The following HS3ST5 variants were observed in gnomAD, a reference collection of about 807,000 sequenced individuals.
The protein encoded by HS3ST5 is heparan sulfate-glucosamine 3-sulfotransferase 5.
Under a neutral mutation model 25.4 loss-of-function variants are expected in HS3ST5, and 10 were observed. That is an observed-to-expected ratio of 0.39 (90% confidence interval 0.24 to 0.67). The LOEUF (loss-of-function observed/expected upper bound fraction) is 0.67. Ranked by LOEUF, HS3ST5 falls within the 30% of genes least tolerant of loss-of-function variation. The pLI, the probability that HS3ST5 is intolerant of heterozygous loss-of-function variation, is 0.44. For synonymous variants in HS3ST5, 170 were observed against 162.4 expected (o/e 1.05, Z -0.36); for missense variants, 324 against 420.7 (o/e 0.77, Z 2.01).
chr6:114,216,787 T>C (rs1004165742), intron 2 of HS3ST5, among the ~76,000 whole-genome samples: 1 of 137,320 alleles, frequency 7.3e-6, no homozygotes, highest in Non-Finnish European at 1.6e-5. Flanking sequence ...ACCTAAAGAA[T>C]ACCTTCCTTG....
At chr6:114,094,760 C>T (rs143990028) in intron 3 of HS3ST5, among the ~76,000 whole-genome samples, 1 of 152,264 alleles carries the variant, frequency 6.6e-6, no homozygotes, top group East Asian at 1.9e-4. Context: ...ATAATCTCCT[C>T]CCCGTGAGTA....
intron 1 of HS3ST5, among the ~76,000 whole-genome samples, chr6:114,295,344 T>C (rs953610724): frequency 3.3e-5 from 5 of 152,170 alleles, no homozygotes; most frequent in African/African-American, 1.2e-4. Context: ...AGCAAGCACA[T>C]TGAGTCCTCA....
intron 2 of HS3ST5, among the ~76,000 whole-genome samples, chr6:114,208,883 G>T (rs1781392747): frequency 6.6e-6 from 1 of 152,150 alleles, no homozygotes; most frequent in Non-Finnish European, 1.5e-5. Context: ...TTTAGGGTTT[G>T]TCTTGGGTTA....
intron 1 of HS3ST5, among the ~76,000 whole-genome samples, chr6:114,312,751 C>T (rs755121050): frequency 9.2e-5 from 14 of 151,816 alleles, no homozygotes; most frequent in East Asian, 1.9e-4. Flanking sequence ...TATACTCAGC[C>T]GGCCGTGGTG....
chr6:114,175,269 T>A (rs1224633816), intron 2 of HS3ST5, among the ~76,000 whole-genome samples: 4 of 152,016 alleles, frequency 2.6e-5, no homozygotes, highest in African/African-American at 4.8e-5. Context: ...CATTAGTGGG[T>A]CAAGCAAATG....
At chr6:114,162,824 G>C (rs758137895) in intron 3 of HS3ST5, among the ~76,000 whole-genome samples, 25 of 152,094 alleles carry the variant, frequency 1.6e-4, no homozygotes, top group Non-Finnish European at 3.1e-4. Flanking sequence ...CCCATAGTCA[G>C]CACCTCCAGC....
At chr6:114,137,031 G>GAAAAA (rs1562211275) in intron 3 of HS3ST5, among the ~76,000 whole-genome samples, 1 of 152,154 alleles carries the variant, frequency 6.6e-6, no homozygotes, top group Non-Finnish European at 1.5e-5. Flanking sequence ...TTCTGCTGAA[G>GAAAAA]AACTATTGCC....
At chr6:114,082,907 A>C (rs190789944) in intron 3 of HS3ST5, among the ~76,000 whole-genome samples, 1 of 152,226 alleles carries the variant, frequency 6.6e-6, no homozygotes, top group Non-Finnish European at 1.5e-5. Flanking sequence ...CAGGGGAACA[A>C]CACAGCAGCA....
chr6:114,057,698 C>A lies in HS3ST5; in HGVS notation c.600G>T (p.Lys200Asn). 2 of 1,614,150 alleles carry A rather than the reference C, an allele frequency of 1.2e-6. No individual in the cohort carries two copies. The highest frequency in any genetic ancestry group is 1.7e-6 in the Non-Finnish European group (2 of 1,180,028). Residue 200 changes from lysine to asparagine, a missense_variant, in exon 5 of 5, where the codon AAG (lysine) becomes AAT (asparagine). By Grantham distance (94) the Lys-to-Asn change is moderately conservative (BLOSUM62 0). Around this residue, in one of 2 missense-constraint regions of HS3ST5, gnomAD observed 203 missense variants for 303.4 expected, o/e 0.67. Transcript: ENST00000312719. ...TGTAATAAGTTTTGTTCTTCCTCTC[C>A]TTCCCCTCTAGCACCTGAGTATAAT... Reference protein sequence around the residue: ...ISDYTQVLEGKERKNKTYYKF... With the variant: ...ISDYTQVLEGNERKNKTYYKF...
intron 1 of HS3ST5, among the ~76,000 whole-genome samples, chr6:114,250,966 T>G (rs1264249173): frequency 6.6e-6 from 1 of 152,140 alleles, no homozygotes; most frequent in African/African-American, 2.4e-5. Context: ...GGGAAGAAAG[T>G]CTATCTACAA....
chr6:114,339,001 G>C (rs779287069), intron 1 of HS3ST5, among the ~76,000 whole-genome samples: 21 of 151,972 alleles, frequency 1.4e-4, no homozygotes, highest in Non-Finnish European at 1.8e-4. Context: ...TCCTTAACTT[G>C]ACTTGTTCTC....
intron 1 of HS3ST5, among the ~76,000 whole-genome samples, chr6:114,295,709 G>A (rs1399084708): frequency 6.6e-6 from 1 of 152,144 alleles, no homozygotes; most frequent in Non-Finnish European, 1.5e-5. Flanking sequence ...CCATGTACAA[G>A]CAATTACTTC....
At chr6:114,215,905 T>G (rs1781736111) in intron 2 of HS3ST5, among the ~76,000 whole-genome samples, 1 of 152,222 alleles carries the variant, frequency 6.6e-6, no homozygotes, top group African/African-American at 2.4e-5. Flanking sequence ...CACAGAAGCT[T>G]TGTTTCATTT....
chr6:114,120,473 T>C (rs758677078), intron 3 of HS3ST5, among the ~76,000 whole-genome samples: 3 of 152,252 alleles, frequency 2.0e-5, no homozygotes, highest in Non-Finnish European at 4.4e-5. Flanking sequence ...AGATTACATA[T>C]ACTGTTTTTA....
At position 114,136,254 on chromosome 6, in the gene HS3ST5, T is replaced by C. The variant is rs539555485; in HGVS notation, c.-33+32097A>G. ...TGTCATGGGACGGACCCAGTGGGAG[T>C]AATTAAATCATGGGGGCAGGTCTTT... On this transcript the variant is annotated intron_variant, in intron 3 of 4. Coordinates refer to ENST00000312719, the MANE Select transcript of HS3ST5 (RefSeq NM_153612.4). Among the ~76,000 whole-genome samples the C allele has an allele frequency of 6.6e-5, 10 of 152,270 alleles. 1 individual carries two copies. In the South Asian group the frequency reaches 2.1e-3, roughly 32 times the overall value.
At chr6:114,214,293 T>A (rs1370685800) in intron 2 of HS3ST5, among the ~76,000 whole-genome samples, 3 of 152,174 alleles carry the variant, frequency 2.0e-5, no homozygotes, top group African/African-American at 7.2e-5. Flanking sequence ...AACATTCCAG[T>A]TTATTTGAAT....
chr6:114,115,019 A>G (rs1776451816), intron 3 of HS3ST5, among the ~76,000 whole-genome samples: 1 of 152,146 alleles, frequency 6.6e-6, no homozygotes, highest in Non-Finnish European at 1.5e-5. Flanking sequence ...TGGTCCCGAA[A>G]TCAAGTGCAT....
intron 3 of HS3ST5, among the ~76,000 whole-genome samples, chr6:114,161,090 T>A (rs1236004296): frequency 6.6e-6 from 1 of 152,078 alleles, no homozygotes; most frequent in Admixed American, 6.6e-5. Context: ...TAGAACTAAA[T>A]GACAGTGAAT....
chr6:114,198,169 C>T (rs1780850865), intron 2 of HS3ST5, among the ~76,000 whole-genome samples: 1 of 151,788 alleles, frequency 6.6e-6, no homozygotes, highest in Non-Finnish European at 1.5e-5. Flanking sequence ...ACAGACTAGG[C>T]CAAGCAGAAG....
Sources: gnomAD v4.1 joint callset for allele counts (sites outside exome capture counted in the v4.1 genomes callset) on GRCh38, gnomAD v4.1.1 for gene constraint, gnomAD v4.1.1 regional missense constraint, MANE v1.5 for transcripts, NCBI Gene and HGNC (gene_info 2026-07-23, HGNC 2026-07-21) for gene names.